The following SYNCRIP variants were observed in gnomAD, a reference collection of about 807,000 sequenced individuals.
The protein encoded by SYNCRIP is heterogeneous nuclear ribonucleoprotein Q.
SYNCRIP carries 9 observed loss-of-function variants against 68.9 expected under a neutral mutation model. The observed-to-expected ratio is 0.13, with a 90% CI of 0.08 to 0.23. SYNCRIP has a LOEUF of 0.23. SYNCRIP is among the 10% of genes least tolerant of loss of function. SYNCRIP has a pLI of 1.00. For synonymous variants in SYNCRIP, 258 were observed against 254.0 expected (o/e 1.02, Z -0.15); for missense variants, 414 against 770.6 (o/e 0.54, Z 5.48).
chr6:85,640,741 T>C (rs1809038008), intron 2 of SYNCRIP, among the ~76,000 whole-genome samples, 177 bp from the exon 3 acceptor site: 1 of 151,664 alleles, frequency 6.6e-6, no homozygotes, highest in Non-Finnish European at 1.5e-5. Context: ...GAACTAAATA[T>C]GCCCTACCAA....
chr6:85,619,307 A>G lies in SYNCRIP; in HGVS notation c.1119T>C (p.Tyr373=), dbSNP rs1380855144. The change falls in exon 9 of 11, where the codon TAT becomes TAC. Residue 373 remains tyrosine, a synonymous_variant. Transcript: ENST00000369622. Reference sequence around the variant, plus strand: ...CTCGCTCATCAAAATGAATGAACGCATAATCTTTTAACTTCTTCACTCGTT... The same window carrying G: ...CTCGCTCATCAAAATGAATGAACGCGTAATCTTTTAACTTCTTCACTCGTT... ...KLERVKKLKD[Y]AFIHFDERDG... 3.1e-6 allele frequency: 5 copies of G among 1,613,894 alleles called. No homozygotes were observed. Among genetic ancestry groups the G allele is most frequent in the Non-Finnish European group, 1.7e-6 (2 of 1,179,990 alleles).
At chr6:85,623,477 T>A (rs1806649391) in intron 7 of SYNCRIP, among the ~76,000 whole-genome samples, 1 of 136,820 alleles carries the variant, frequency 7.3e-6, no homozygotes, top group African/African-American at 2.8e-5. Context: ...GGCAAGAGAA[T>A]CCCTTGAATC....
chr6:85,619,821 T>C (rs971413035), intron 8 of SYNCRIP, among the ~76,000 whole-genome samples: 1 of 152,236 alleles, frequency 6.6e-6, no homozygotes, highest in African/African-American at 2.4e-5. Context: ...AAAGACAGTT[T>C]GGCGATTTCT....
At chr6:85,640,111 G>C in intron 4 of SYNCRIP, 110 bp downstream of exon 4, 1 of 742,120 alleles carries the variant, frequency 1.3e-6, no homozygotes, top group Non-Finnish European at 2.3e-6. Flanking sequence ...AAAGATTGAT[G>C]AATTATCTCA....
rs1805532991 is a variant in SYNCRIP at position 85,614,435 on chromosome 6, A to G, written c.*321T>C. The G allele has an allele frequency of 9.6e-7, 1 of 1,041,988 alleles. No homozygotes were observed. The highest frequency in any genetic ancestry group is 1.7e-5 in the African/African-American group (1 of 59,530). The allele number at this position is 1,041,988 out of a possible 1,614,324, so 64.5% of individuals were successfully genotyped here. The stretch of plus-strand genomic sequence containing the variant: ...GTTTTAATCAACTACCTTTGAAGAC[A>G]CCAAATCTAAACACTACTGGAAACA... On this transcript the variant is annotated 3_prime_UTR_variant, in exon 11 of 11. Coordinates refer to ENST00000369622, the MANE Select transcript of SYNCRIP (RefSeq NM_006372.5).
In SYNCRIP at chr6:85,636,177, G is replaced by A. The variant is rs374394897; in HGVS notation, c.666+790C>T. On this transcript the variant is annotated intron_variant, in intron 6 of 10. Coordinates refer to ENST00000369622, the MANE Select transcript of SYNCRIP (RefSeq NM_006372.5). ...AATTTCTTTCTAGCCAGGCGTGGTGGCTCACGTCTAAAATCCCAGGACTTT... is the reference window on the plus strand; with the variant it reads ...AATTTCTTTCTAGCCAGGCGTGGTGACTCACGTCTAAAATCCCAGGACTTT... Among the ~76,000 whole-genome samples, 14 of 152,280 alleles carry A rather than the reference G, an allele frequency of 9.2e-5. No homozygotes were observed. In the East Asian group the frequency reaches 2.5e-3, roughly 27 times the overall value.
rs531476467 is a variant in SYNCRIP, at chr6:85,640,340, T to A, written c.268-12A>T. ...AAGGCACTTTTGTTCTGCAAAAAAA[T>A]GTTCCATTAATATTTAACAATAACC... On this transcript the variant is annotated splice_polypyrimidine_tract_variant and intron_variant, in intron 3 of 10. Coordinates refer to ENST00000369622, the MANE Select transcript of SYNCRIP (RefSeq NM_006372.5). 1.4e-5 allele frequency: 23 copies of A among 1,608,984 alleles called. No homozygotes were observed. Among genetic ancestry groups the A allele is most frequent in the Admixed American group, 3.4e-5 (2 of 59,662 alleles).
At chr6:85,637,766 T>C (rs909597712) in intron 4 of SYNCRIP, among the ~76,000 whole-genome samples, 6 of 152,194 alleles carry the variant, frequency 3.9e-5, no homozygotes, top group Admixed American at 2.0e-4. Flanking sequence ...ACCCCACTCC[T>C]AGGTACATAC....
intron 6 of SYNCRIP, among the ~76,000 whole-genome samples, chr6:85,628,921 A>G (rs1807381607): frequency 6.6e-6 from 1 of 152,224 alleles, no homozygotes; most frequent in Non-Finnish European, 1.5e-5. Context: ...ACTAGAATAC[A>G]ACCTACAGCA....
rs1562110590 is a variant in SYNCRIP, at chr6:85,637,339, T to C, written c.393A>G (p.Thr131=). 1 of 1,611,814 alleles carries C rather than the reference T, an allele frequency of 6.2e-7. No homozygotes were observed. Among genetic ancestry groups the C allele is most frequent in the Non-Finnish European group, 8.5e-7 (1 of 1,179,386 alleles). Residue 131 remains threonine, a synonymous_variant, in exon 5 of 11, where the codon ACA becomes ACG. Transcript: ENST00000369622. ...EAKIKALLER[T]GYTLDVTTGQ... ...CAGTGGTCACATCAAGTGTGTAGCC[T>C]GTTCTTTCCAAGAGTGCCTTGAAAA...
At chr6:85,629,506 AC>A in intron 6 of SYNCRIP, among the ~76,000 whole-genome samples, 1 of 145,508 alleles carries the variant, frequency 6.9e-6, no homozygotes, top group South Asian at 2.2e-4. Flanking sequence ...TGGTCAACAA[AC>A]TAAAAATACA....
downstream of SYNCRIP, chr6:85,613,864 G>C (rs771978262): frequency 4.8e-6 from 3 of 621,210 alleles, no homozygotes; most frequent in African/African-American, 6.0e-5. Flanking sequence ...TTAGGCAACT[G>C]AAAGTGGACT....
rs192097879 is a variant in SYNCRIP at position 85,625,400 on chromosome 6, T to C, written c.667-1288A>G. On this transcript the variant is annotated intron_variant, in intron 6 of 10. Transcript: ENST00000369622. ...ACAGGGTTTTTTTTTTTTTGTCTTT[T>C]CTGAGACAGAGTCTTGCTCTGTCCC... Among the ~76,000 whole-genome samples the C allele has an allele frequency of 3.1e-3, 474 of 152,068 alleles. 1 individual carries two copies. The highest frequency in any genetic ancestry group is 4.6e-3 in the Non-Finnish European group (313 of 67,946).
chr6:85,635,947 C>T (rs1047661029), intron 6 of SYNCRIP, among the ~76,000 whole-genome samples: 6 of 151,938 alleles, frequency 3.9e-5, no homozygotes, highest in Admixed American at 2.0e-4. Context: ...CCACAGGATA[C>T]GTAAGCCAGA....
intron 6 of SYNCRIP, among the ~76,000 whole-genome samples, chr6:85,633,370 A>C (rs1438904507): frequency 6.6e-6 from 1 of 152,152 alleles, no homozygotes; most frequent in East Asian, 1.9e-4. Context: ...GCCGAGGCCG[A>C]GACTGGGGTC....
In SYNCRIP at chr6:85,614,871, C is replaced by A; in HGVS notation, c.1757G>T (p.Gly586Val). The A allele has an allele frequency of 6.2e-7, 1 of 1,614,150 alleles. No homozygotes were observed. The highest frequency in any genetic ancestry group is 1.7e-5 in the Admixed American group (1 of 60,022). The change falls in exon 11 of 11, where the codon GGC (glycine) becomes GTC (valine). Residue 586 changes from glycine to valine, a missense_variant. This residue lies in a region of SYNCRIP where 130 missense variants were observed against 149.0 expected (regional missense o/e 0.87). Transcript: ENST00000369622. ...CGGTTGCTGAGCAATGGGTTGGGAG[C>A]CCCAGTTCTGATTATTGGTCTGGCG... ...KRRQTNNQNW[G>V]SQPIAQQPLQ...
chr6:85,642,238 A>G (rs1809265948), intron 1 of SYNCRIP, among the ~76,000 whole-genome samples: 1 of 151,976 alleles, frequency 6.6e-6, no homozygotes, highest in Admixed American at 6.5e-5. Flanking sequence ...CTCCGCCGTG[A>G]CACATGGCTC....
intron 10 of SYNCRIP, among the ~76,000 whole-genome samples, chr6:85,617,538 A>G (rs1330894219): frequency 6.6e-6 from 1 of 152,222 alleles, no homozygotes; most frequent in Non-Finnish European, 1.5e-5. Context: ...ACTATCATCA[A>G]ACCTACAAAG....
intron 6 of SYNCRIP, among the ~76,000 whole-genome samples, chr6:85,629,981 C>CAA (rs71551492): frequency 2.5e-4 from 30 of 120,324 alleles, no homozygotes; most frequent in East Asian, 9.3e-4. Flanking sequence ...GGATTTGTCT[C>CAA]AAAAAAAAAA....
Sources: gnomAD v4.1 joint callset for allele counts (sites outside exome capture counted in the v4.1 genomes callset) on GRCh38, gnomAD v4.1.1 for gene constraint, gnomAD v4.1.1 regional missense constraint, MANE v1.5 for transcripts, NCBI Gene and HGNC (gene_info 2026-07-23, HGNC 2026-07-21) for gene names.